The following UCHL3 variants were observed in gnomAD, a reference collection of about 807,000 sequenced individuals.
UCHL3 encodes the protein ubiquitin C-terminal hydrolase L3.
Under a neutral mutation model 35.8 loss-of-function variants are expected in UCHL3, and 22 were observed. That is an observed-to-expected ratio of 0.61 (90% CI 0.44 to 0.88). The LOEUF (loss-of-function observed/expected upper bound fraction) is 0.88, where lower values mean the gene tolerates loss of function less well. UCHL3 is among the 40% of genes least tolerant of loss of function. UCHL3 has a pLI of 0.00. For missense variants in UCHL3, 229 were observed against 276.9 expected (o/e 0.83, Z 1.23); for synonymous variants, 90 against 92.8 (o/e 0.97, Z 0.17).
intron 2 of UCHL3, among the ~76,000 whole-genome samples, chr13:75,555,267 C>A (rs1220890150): frequency 2.6e-5 from 4 of 152,200 alleles, no homozygotes; most frequent in Non-Finnish European, 5.9e-5. Context: ...GAGTACACAG[C>A]TAAATTAGCC....
intron 3 of UCHL3, among the ~76,000 whole-genome samples, chr13:75,561,265 A>G (rs2031486461): frequency 6.6e-6 from 1 of 152,136 alleles, no homozygotes; most frequent in Non-Finnish European, 1.5e-5. Context: ...TAATTTACAA[A>G]GTTTTTGATA....
intron 6 of UCHL3, among the ~76,000 whole-genome samples, chr13:75,587,870 T>C (rs950440086): frequency 2.0e-5 from 3 of 152,162 alleles, no homozygotes; most frequent in African/African-American, 7.2e-5. Context: ...TGCTTACTGC[T>C]TGCTGTAAAC....
chr13:75,564,220 G>C (rs570889602), intron 3 of UCHL3, among the ~76,000 whole-genome samples: 3 of 150,528 alleles, frequency 2.0e-5, no homozygotes, highest in African/African-American at 7.4e-5. Context: ...GTGCGATCTC[G>C]GCTCACTGCA....
chr13:75,586,929 G>A (rs1427092471), intron 6 of UCHL3, among the ~76,000 whole-genome samples: 1 of 149,402 alleles, frequency 6.7e-6, no homozygotes, highest in African/African-American at 2.4e-5. Context: ...AACAAACAGA[G>A]GTTAGAGGGA....
chr13:75,586,966 G>C (rs991677851), intron 6 of UCHL3, among the ~76,000 whole-genome samples: 4 of 114,608 alleles, frequency 3.5e-5, no homozygotes, highest in Admixed American at 1.1e-4. Context: ...GCTTATAGTA[G>C]AAAAGGGAAA....
intron 6 of UCHL3, among the ~76,000 whole-genome samples, chr13:75,580,047 A>AG (rs926449633): frequency 3.3e-5 from 5 of 152,198 alleles, no homozygotes; most frequent in Admixed American, 2.6e-4. Flanking sequence ...TAAACCAGTC[A>AG]GGGAAAAAAG....
intron 2 of UCHL3, among the ~76,000 whole-genome samples, chr13:75,556,529 A>T (rs887257583): frequency 4.6e-5 from 7 of 152,228 alleles, no homozygotes; most frequent in African/African-American, 1.4e-4. Context: ...CTTTAAGAAC[A>T]AATTTGAAAG....
chr13:75,592,415 C>CATATATATATATATGTATATACAT (rs2032501754), intron 6 of UCHL3, among the ~76,000 whole-genome samples: 1 of 40,684 alleles, frequency 2.5e-5, no homozygotes, highest in African/African-American at 1.3e-4. Context: ...ATTTTTCCTT[C>CATATATATATATATGTATATACAT]ATATATATAT....
rs9600496 is a variant in UCHL3, at chr13:75,561,511, T to C, written c.183+630T>C. Among the ~76,000 whole-genome samples the C allele has an allele frequency of 6.0e-3, 915 of 152,010 alleles. 8 individuals are homozygous for C. Among genetic ancestry groups the C allele is most frequent in the African/African-American group, 0.02 (822 of 41,492 alleles). The stretch of plus-strand genomic sequence containing the variant: ...ATTTATCTGTTTTAGAAATTTTAAG[T>C]ACTAGAATAAACTTAAATACAGTTT... On this transcript the variant is annotated intron_variant, in intron 3 of 8. Coordinates refer to ENST00000377595, the MANE Select transcript of UCHL3 (RefSeq NM_006002.5).
intron 5 of UCHL3, among the ~76,000 whole-genome samples, chr13:75,568,336 T>C (rs748641125): frequency 1.5e-4 from 23 of 152,020 alleles, no homozygotes; most frequent in Non-Finnish European, 2.5e-4. Flanking sequence ...CCAATATACT[T>C]TGAGAATTTT....
Position 75,592,433 on chromosome 13 carries a change from T to TAC in UCHL3, c.475-2481_475-2480insCA, listed in dbSNP as rs1286363961. On this transcript the variant is annotated intron_variant, in intron 6 of 8. Coordinates refer to ENST00000377595, the MANE Select transcript of UCHL3 (RefSeq NM_006002.5). ...TTTCCTTCATATATATATATATATA[T>TAC]ATATATATATATATATATATATATA... is the stretch of plus-strand genomic sequence containing the variant. Among the ~76,000 whole-genome samples, 148 of 99,078 alleles carry TAC rather than the reference T, an allele frequency of 1.5e-3. 7 individuals carry two copies. The highest frequency in any genetic ancestry group is 4.7e-3 in the South Asian group (14 of 2,954). The allele number at this position is 99,078 out of a possible 152,430, so 65.0% of individuals were successfully genotyped here.
chr13:75,580,268 A>T (rs2032142036), intron 6 of UCHL3, among the ~76,000 whole-genome samples: 1 of 152,148 alleles, frequency 6.6e-6, no homozygotes, highest in African/African-American at 2.4e-5. Flanking sequence ...TCTGGCTTTA[A>T]TTTCCTTTTT....
Position 75,595,123 on chromosome 13 carries a change from A to T in UCHL3, c.550+133A>T, listed in dbSNP as rs1204483200. On this transcript the variant is annotated intron_variant, in intron 7 of 8. Coordinates refer to ENST00000377595, the MANE Select transcript of UCHL3 (RefSeq NM_006002.5). ...GTTGCCTATAAAATTGATTTGACATAGCGACAGTTTTCCTTTTAAGACAGT... is the reference window on the plus strand; with the variant it reads ...GTTGCCTATAAAATTGATTTGACATTGCGACAGTTTTCCTTTTAAGACAGT... The T allele has an allele frequency of 2.8e-5, 19 of 678,638 alleles. No individual in the cohort carries two copies. In the East Asian group the frequency reaches 3.6e-4, roughly 13 times the overall value. The allele number at this position is 678,638 out of a possible 1,614,324, so 42.0% of individuals were successfully genotyped here. A position where few individuals can be genotyped will look rare whatever the true frequency, so the allele number is the denominator to read the frequency against.
intron 6 of UCHL3, among the ~76,000 whole-genome samples, chr13:75,582,272 T>C (rs983726934): frequency 1.3e-5 from 2 of 152,236 alleles, no homozygotes; most frequent in African/African-American, 4.8e-5. Flanking sequence ...ACTTATTAAA[T>C]ATCTTGGCAT....
At chr13:75,588,496 C>T (rs2032389554) in intron 6 of UCHL3, among the ~76,000 whole-genome samples, 1 of 152,108 alleles carries the variant, frequency 6.6e-6, no homozygotes, top group African/African-American at 2.4e-5. Context: ...ATCATATACA[C>T]TTTTGTTCCC....
intron 6 of UCHL3, among the ~76,000 whole-genome samples, chr13:75,592,440 A>ACATATATG (rs2032517574): frequency 9.2e-6 from 1 of 108,986 alleles, no homozygotes; most frequent in African/African-American, 3.5e-5. Flanking sequence ...ATATATATAT[A>ACATATATG]TATATATATA....
chr13:75,569,332 T>C, intron 5 of UCHL3, 128 bp from the exon 6 acceptor site: 2 of 640,004 alleles, frequency 3.1e-6, no homozygotes, highest in Non-Finnish European at 5.2e-6. Flanking sequence ...TACTAAGCTT[T>C]TCTTAAATTT....
intron 6 of UCHL3, among the ~76,000 whole-genome samples, chr13:75,588,263 G>A (rs1486156489): frequency 6.6e-6 from 1 of 151,980 alleles, no homozygotes; most frequent in Non-Finnish European, 1.5e-5. Context: ...TACAATGCTG[G>A]TTTAGTAATA....
rs553251400 is a variant in UCHL3, at chr13:75,600,686, C to G, written c.551-4083C>G. On this transcript the variant is annotated intron_variant, in intron 7 of 8. Coordinates refer to ENST00000377595, the MANE Select transcript of UCHL3 (RefSeq NM_006002.5). ...CAATGCACCTTGTAATCCAAGAAGTCCGATATAGATATATTTACAAAGAGA... is the reference window on the plus strand; with the variant it reads ...CAATGCACCTTGTAATCCAAGAAGTGCGATATAGATATATTTACAAAGAGA... Among the ~76,000 whole-genome samples, 9 of 152,280 alleles carry G rather than the reference C, an allele frequency of 5.9e-5. No homozygotes were observed. In the South Asian group the frequency reaches 1.9e-3, roughly 32 times the overall value.
Sources: allele counts gnomAD v4.1 joint callset (sites outside exome capture counted in the v4.1 genomes callset), GRCh38; gene constraint gnomAD v4.1.1; transcripts MANE v1.5; gene names NCBI Gene and HGNC (gene_info 2026-07-23, HGNC 2026-07-21).